The following SERPING1 variants were observed in gnomAD, a reference collection of about 807,000 sequenced individuals.
The protein encoded by SERPING1 is serpin family G member 1.
SERPING1 carries 5 observed loss-of-function variants against 34.1 expected under a neutral mutation model. The observed-to-expected ratio is 0.15, with a 90% CI of 0.08 to 0.31. SERPING1 has a LOEUF of 0.31. Among genes scored for constraint, SERPING1 ranks in the 10% least tolerant of loss-of-function variants. SERPING1 has a pLI of 1.00. For synonymous variants in SERPING1, 225 were observed against 242.4 expected, an observed-to-expected ratio of 0.93 and a Z score of 0.67; for missense variants, 505 against 609.5, an observed-to-expected ratio of 0.83 and a Z score of 1.81.
intron 2 of SERPING1, 141 bp downstream of exon 2, chr11:57,598,462 T>C: frequency 1.3e-6 from 1 of 788,830 alleles, no homozygotes; most frequent in Non-Finnish European, 2.0e-6. Flanking sequence ...AGTGTGATCC[T>C]TGCACACGCA....
Position 57,606,038 on chromosome 11 carries a change from T to C in SERPING1, c.714T>C (p.Asn238=), listed in dbSNP as rs149669203. Reference sequence around the variant, plus strand: ...TGGCCATAAGGGACACCTTTGTGAATGCCTCTCGGACCCTGTACAGCAGCA... The same window carrying C: ...TGGCCATAAGGGACACCTTTGTGAACGCCTCTCGGACCCTGTACAGCAGCA... ...PDLAIRDTFV[N]ASRTLYSSSP... The change falls in exon 5 of 8, where the codon AAT becomes AAC. Residue 238 remains asparagine, a synonymous_variant. Coordinates refer to ENST00000278407, the MANE Select transcript of SERPING1 (RefSeq NM_000062.3). The C allele has an allele frequency of 3.5e-5, 57 of 1,614,046 alleles. No homozygotes were observed. The highest frequency in any genetic ancestry group is 4.3e-5 in the Non-Finnish European group (51 of 1,180,042).
intron 6 of SERPING1, among the ~76,000 whole-genome samples, chr11:57,607,259 T>C (rs1945420397): frequency 1.3e-5 from 2 of 152,230 alleles, no homozygotes; most frequent in African/African-American, 4.8e-5. Flanking sequence ...TTAGCTTTTG[T>C]TTCTGCCTGT....
At chr11:57,609,611 A>G (rs992539834) in intron 6 of SERPING1, among the ~76,000 whole-genome samples, 1 of 152,128 alleles carries the variant, frequency 6.6e-6, no homozygotes, top group East Asian at 1.9e-4. Context: ...TTTTTATATA[A>G]AAACACTCTC....
In SERPING1 at chr11:57,606,502, G is replaced by C. The variant is rs200196138; in HGVS notation, c.984G>C (p.Lys328Asn). The change falls in exon 6 of 8, where the codon AAG (lysine) becomes AAC (asparagine). Residue 328 changes from lysine (K) to asparagine (N), a missense_variant. Transcript: ENST00000278407. Reference protein sequence around the residue: ...SVIKVPMMNSKKYPVAHFIDQ... With the variant: ...SVIKVPMMNSNKYPVAHFIDQ... ...TAAAAGTGCCCATGATGAATAGCAA[G>C]AAGTACCCTGTGGCCCATTTCATTG... 2 of 1,614,140 alleles carry C rather than the reference G, an allele frequency of 1.2e-6. No individual in the cohort carries two copies. Among genetic ancestry groups the C allele is most frequent in the Middle Eastern group, 1.6e-4 (1 of 6,062 alleles).
chr11:57,601,554 T>C (rs919702585), intron 3 of SERPING1, among the ~76,000 whole-genome samples: 2 of 151,986 alleles, frequency 1.3e-5, no homozygotes, highest in African/African-American at 2.4e-5. Context: ...GGGACAGAGC[T>C]ATTACTCCCC....
At chr11:57,604,957 T>C (rs935669538) in intron 4 of SERPING1, among the ~76,000 whole-genome samples, 1 of 152,034 alleles carries the variant, frequency 6.6e-6, no homozygotes, top group Non-Finnish European at 1.5e-5. Context: ...GCTATGTTTA[T>C]GCCTCTGTAC....
intron 6 of SERPING1, among the ~76,000 whole-genome samples, chr11:57,608,475 T>C (rs144548413): frequency 1.3e-5 from 2 of 151,890 alleles, no homozygotes; most frequent in East Asian, 1.9e-4. Flanking sequence ...ATATGAAGAG[T>C]AATTTCTATC....
chr11:57,609,088 G>A (rs1488040128), intron 6 of SERPING1, among the ~76,000 whole-genome samples: 1 of 151,828 alleles, frequency 6.6e-6, no homozygotes, highest in African/African-American at 2.4e-5. Context: ...AGACCAGCCT[G>A]GCCAACATGG....
At chr11:57,610,297 G>A (rs1383159602) in intron 6 of SERPING1, among the ~76,000 whole-genome samples, 1 of 152,202 alleles carries the variant, frequency 6.6e-6, no homozygotes, top group East Asian at 1.9e-4. Context: ...AAGGAAGGGG[G>A]TGAGATTTAC....
intron 6 of SERPING1, chr11:57,611,158 CTT>C: frequency 1.2e-5 from 2 of 161,696 alleles, no homozygotes; most frequent in Admixed American, 1.2e-4. Flanking sequence ...GTCTCAATCT[CTT>C]GACCTCGTGA....
At chr11:57,606,807 G>C (rs191053716) in intron 6 of SERPING1, 1 of 671,230 alleles carries the variant, frequency 1.5e-6, no homozygotes, top group South Asian at 1.5e-5. Context: ...AATGTGAGTC[G>C]TGTTCCTATT....
At chr11:57,598,054 G>T (rs1945307052) in intron 1 of SERPING1, 195 bp from the exon 2 acceptor site, 2 of 569,312 alleles carry the variant, frequency 3.5e-6, no homozygotes, top group Non-Finnish European at 6.4e-6. Flanking sequence ...GCCAGCCGGT[G>T]CCGGGAAAGG....
intron 4 of SERPING1, among the ~76,000 whole-genome samples, chr11:57,603,455 G>T (rs1404808602): frequency 6.6e-6 from 1 of 151,860 alleles, no homozygotes; most frequent in Non-Finnish European, 1.5e-5. Flanking sequence ...GCTGAGGCAG[G>T]AGAATCGCTT....
At chr11:57,598,066 A>G in intron 1 of SERPING1, 183 bp from the exon 2 acceptor site, 1 of 568,988 alleles carries the variant, frequency 1.8e-6, no homozygotes, top group Non-Finnish European at 3.2e-6. Context: ...CGGGAAAGGG[A>G]AGCGGTTTGG....
Position 57,606,441 on chromosome 11 carries a change from C to G in SERPING1, c.923C>G (p.Thr308Ser). The G allele has an allele frequency of 6.2e-7, 1 of 1,614,164 alleles. No individual in the cohort carries two copies. Among genetic ancestry groups the G allele is most frequent in the Non-Finnish European group, 8.5e-7 (1 of 1,180,030 alleles). ...KWKTTFDPKK[T>S]RMEPFHFKNS... ...AAGACAACATTTGATCCCAAGAAAA[C>G]CAGAATGGAACCCTTTCACTTCAAA... The change falls in exon 6 of 8, where the codon ACC becomes AGC. Residue 308 changes from threonine (T) to serine (S), a missense_variant. Transcript: ENST00000278407.
chr11:57,598,176 C>CGGGCCCCGGGCGGGGTGG, intron 1 of SERPING1, 73 bp from the exon 2 acceptor site: 2 of 1,146,266 alleles, frequency 1.7e-6, no homozygotes, highest in Non-Finnish European at 2.5e-6. Flanking sequence ...GGAATGGGGG[C>CGGGCCCCGGGCGGGGTGG]GGGCCCCGGG....
At chr11:57,604,268 T>C (rs1001401138) in intron 4 of SERPING1, among the ~76,000 whole-genome samples, 3 of 152,228 alleles carry the variant, frequency 2.0e-5, no homozygotes, top group African/African-American at 7.2e-5. Context: ...GGGACTCTAA[T>C]TCTTTTAATT....
At chr11:57,600,818 G>A (rs1945339897) in intron 3 of SERPING1, among the ~76,000 whole-genome samples, 1 of 151,950 alleles carries the variant, frequency 6.6e-6, no homozygotes, top group Non-Finnish European at 1.5e-5. Context: ...GGGAGTGGTG[G>A]TGCATGCCTG....
chr11:57,607,089 A>G (rs1945418297), intron 6 of SERPING1, among the ~76,000 whole-genome samples: 1 of 152,226 alleles, frequency 6.6e-6, no homozygotes, highest in South Asian at 2.1e-4. Context: ...CTGGCAAGCT[A>G]TCTCATCCCC....
Sources: gnomAD v4.1 joint callset for allele counts (sites outside exome capture counted in the v4.1 genomes callset) on GRCh38, gnomAD v4.1.1 for gene constraint, MANE v1.5 for transcripts, NCBI Gene and HGNC (gene_info 2026-07-23, HGNC 2026-07-21) for gene names.